Variants in PANX1 observed in about 807,000 individuals in gnomAD.
PANX1 encodes pannexin-1.
In PANX1, 30 loss-of-function variants were observed where a neutral mutation model predicts 38.7. The ratio of observed to expected loss-of-function variants is 0.78; its 90% CI spans 0.58 to 1.05. The LOEUF is 1.05. Ranked by LOEUF, PANX1 falls within the 50% of genes least tolerant of loss-of-function variation. PANX1 has a pLI of 0.00. For synonymous variants in PANX1, 230 were observed against 212.2 expected (o/e 1.08, Z -0.73); for missense variants, 551 against 517.2 (o/e 1.07, Z -0.63).
intron 2 of PANX1, among the ~76,000 whole-genome samples, chr11:94,170,452 C>T (rs774693582): frequency 4.0e-5 from 6 of 151,734 alleles, no homozygotes; most frequent in Admixed American, 6.5e-5. Context: ...TTTGTTTATC[C>T]GTTCATCAGC....
intron 2 of PANX1, 124 bp from the exon 3 acceptor site, chr11:94,178,245 A>G: frequency 1.4e-6 from 1 of 711,344 alleles, no homozygotes; most frequent in Non-Finnish European, 2.4e-6. Context: ...GTTATTAGGT[A>G]ATGAGCCCAA....
intron 2 of PANX1, among the ~76,000 whole-genome samples, chr11:94,164,613 A>C (rs999815073): frequency 6.6e-6 from 1 of 152,216 alleles, no homozygotes; most frequent in Admixed American, 6.5e-5. Flanking sequence ...CATGTGGTCT[A>C]TCTGTGAGAA....
intron 1 of PANX1, among the ~76,000 whole-genome samples, chr11:94,139,714 A>G (rs922037919): frequency 2.6e-5 from 4 of 152,208 alleles, no homozygotes; most frequent in Admixed American, 6.5e-5. Flanking sequence ...ATGCCTGCAT[A>G]GAAACCCAGG....
chr11:94,143,802 G>A (rs1186856001), intron 1 of PANX1, among the ~76,000 whole-genome samples: 1 of 150,976 alleles, frequency 6.6e-6, no homozygotes, highest in African/African-American at 2.4e-5. Context: ...AGACTGGAGT[G>A]TAGTGATGGG....
chr11:94,165,832 C>T (rs1318318093), intron 2 of PANX1, among the ~76,000 whole-genome samples: 1 of 152,158 alleles, frequency 6.6e-6, no homozygotes, highest in African/African-American at 2.4e-5. Context: ...ATCACTTGAA[C>T]TTACCAAGAG....
intron 1 of PANX1, among the ~76,000 whole-genome samples, chr11:94,151,598 G>C (rs1029611435): frequency 1.3e-5 from 2 of 152,228 alleles, no homozygotes; most frequent in Non-Finnish European, 2.9e-5. Context: ...GCCCTCATAA[G>C]CCTTGGTAGG....
In PANX1 at chr11:94,179,870, A is replaced by C; in HGVS notation, c.814A>C (p.Ile272Leu). 2.5e-6 allele frequency: 4 copies of C among 1,613,964 alleles called. No homozygotes were observed. The highest frequency in any genetic ancestry group is 3.4e-6 in the Non-Finnish European group (4 of 1,179,992). The change falls in exon 4 of 5, where the codon ATC becomes CTC. Residue 272 changes from isoleucine to leucine, a missense_variant. Ile to Leu is a conservative substitution (Grantham distance 5, BLOSUM62 2). Transcript: ENST00000227638. Reference protein sequence around the residue: ...QFQCKLIAVGIFQLLSVINLV... With the variant: ...QFQCKLIAVGLFQLLSVINLV... ...TCAGTGCAAACTCATTGCCGTGGGC[A>C]TCTTCCAGTTGCTCAGTGTCATTAA...
chr11:94,175,637 T>C, intron 2 of PANX1: 2 of 585,538 alleles, frequency 3.4e-6, no homozygotes, highest in Non-Finnish European at 2.1e-6. Flanking sequence ...ATGCCTGGCT[T>C]TCGTGGTTAT....
At chr11:94,137,370 A>G (rs1465133399) in intron 1 of PANX1, among the ~76,000 whole-genome samples, 1 of 152,170 alleles carries the variant, frequency 6.6e-6, no homozygotes, top group African/African-American at 2.4e-5. Context: ...CTAGGTTTGG[A>G]TTAGCAACAT....
chr11:94,157,189 C>T (rs570082076), intron 2 of PANX1, among the ~76,000 whole-genome samples: 6 of 152,128 alleles, frequency 3.9e-5, no homozygotes, highest in East Asian at 1.9e-4. Context: ...AATAAACATA[C>T]ATGTACATGT....
intron 1 of PANX1, among the ~76,000 whole-genome samples, chr11:94,143,313 G>A (rs1188553814): frequency 6.6e-6 from 1 of 152,204 alleles, no homozygotes; most frequent in Non-Finnish European, 1.5e-5. Flanking sequence ...CTTTCATGAT[G>A]TGTTTGCTCT....
intron 1 of PANX1, among the ~76,000 whole-genome samples, chr11:94,152,743 G>A (rs569187738): frequency 6.6e-6 from 1 of 152,288 alleles, no homozygotes; most frequent in East Asian, 1.9e-4. Context: ...CAGATGTGAC[G>A]GTAGCATCTG....
At position 94,141,907 on chromosome 11, in the gene PANX1, C is replaced by A. The variant is rs1006753268; in HGVS notation, c.182-11584C>A. 3.9e-5 allele frequency among the ~76,000 whole-genome samples: 6 copies of A among 152,262 alleles called. No homozygotes were observed. In the East Asian group the frequency reaches 9.7e-4, roughly 25 times the overall value. On this transcript the variant is annotated intron_variant, in intron 1 of 4. Coordinates refer to ENST00000227638, the MANE Select transcript of PANX1 (RefSeq NM_015368.4). Reference sequence around the variant, plus strand: ...CGAAGCACTGGAACGGTGTCTGGTACGTAGGAAGCACTCAGCGCAGGTTAG... The same window carrying A: ...CGAAGCACTGGAACGGTGTCTGGTAAGTAGGAAGCACTCAGCGCAGGTTAG...
chr11:94,173,134 T>G (rs1186734099), intron 2 of PANX1, among the ~76,000 whole-genome samples: 1 of 151,802 alleles, frequency 6.6e-6, no homozygotes, highest in Non-Finnish European at 1.5e-5. Context: ...CAGACATCCT[T>G]CATGCATCTT....
At chr11:94,162,380 C>T (rs559555911) in intron 2 of PANX1, among the ~76,000 whole-genome samples, 5 of 152,198 alleles carry the variant, frequency 3.3e-5, no homozygotes, top group Non-Finnish European at 7.4e-5. Context: ...TTTCGAGTTT[C>T]CTGGCCACTT....
chr11:94,161,618 T>C (rs1237309174), intron 2 of PANX1, among the ~76,000 whole-genome samples: 1 of 152,178 alleles, frequency 6.6e-6, no homozygotes, highest in Non-Finnish European at 1.5e-5. Context: ...AGTTAGCCAT[T>C]TGTCTAATTT....
At chr11:94,135,087 G>A (rs1439400708) in intron 1 of PANX1, among the ~76,000 whole-genome samples, 1 of 152,190 alleles carries the variant, frequency 6.6e-6, no homozygotes, top group Non-Finnish European at 1.5e-5. Flanking sequence ...CCCCTGGGAA[G>A]GAGAGCCCGT....
chr11:94,132,803 G>A (rs551004592), intron 1 of PANX1, among the ~76,000 whole-genome samples: 9 of 152,206 alleles, frequency 5.9e-5, no homozygotes, highest in Admixed American at 2.0e-4. Context: ...ATAAAATAGG[G>A]TTCAAGTTGA....
At chr11:94,142,787 C>G (rs898950308) in intron 1 of PANX1, among the ~76,000 whole-genome samples, 1 of 152,242 alleles carries the variant, frequency 6.6e-6, no homozygotes, top group African/African-American at 2.4e-5. Flanking sequence ...AAGCGCCACA[C>G]AGTTGAGCTG....
Sources: allele counts gnomAD v4.1 joint callset (sites outside exome capture counted in the v4.1 genomes callset), GRCh38; gene constraint gnomAD v4.1.1; transcripts MANE v1.5; gene names NCBI Gene and HGNC (gene_info 2026-07-23, HGNC 2026-07-21).